Variants in GPBP1 observed in about 807,000 individuals in gnomAD.
GPBP1 encodes the protein GC-rich promoter binding protein 1, also known as vasculin.
Under a neutral mutation model 56.5 loss-of-function variants are expected in GPBP1, and 13 were observed. The observed-to-expected ratio is 0.23, with a 90% CI of 0.15 to 0.37. The LOEUF is 0.37. Ranked by LOEUF, GPBP1 falls within the 10% of genes least tolerant of loss-of-function variation. The pLI, the probability that GPBP1 is intolerant of heterozygous loss-of-function variation, is 1.00. For missense variants in GPBP1, 477 were observed against 572.3 expected, an observed-to-expected ratio of 0.83 and a Z score of 1.70; for synonymous variants, 204 against 188.9, an observed-to-expected ratio of 1.08 and a Z score of -0.66.
intron 10 of GPBP1, among the ~76,000 whole-genome samples, chr5:57,253,200 A>G (rs993220399): frequency 7.2e-5 from 11 of 152,228 alleles, no homozygotes; most frequent in Non-Finnish European, 4.4e-5. Flanking sequence ...TCCTTAAATA[A>G]CCACATGGTT....
At chr5:57,212,522 C>T (rs1465402739) in intron 2 of GPBP1, among the ~76,000 whole-genome samples, 4 of 152,120 alleles carry the variant, frequency 2.6e-5, no homozygotes, top group Non-Finnish European at 2.9e-5. Flanking sequence ...TATTGGAATT[C>T]CTCTTAAGGT....
chr5:57,218,630 G>A (rs1346851569), intron 3 of GPBP1, among the ~76,000 whole-genome samples: 2 of 152,054 alleles, frequency 1.3e-5, no homozygotes, highest in East Asian at 1.9e-4. Context: ...ACTGTTGGGG[G>A]CCCCAGTCTA....
intron 5 of GPBP1, among the ~76,000 whole-genome samples, chr5:57,233,567 G>A (rs1041143560): frequency 4.6e-5 from 7 of 152,066 alleles, no homozygotes; most frequent in African/African-American, 1.7e-4. Context: ...TATGTGTATT[G>A]TATACTGTAT....
intron 2 of GPBP1, among the ~76,000 whole-genome samples, chr5:57,209,675 G>A (rs966303718): frequency 3.3e-5 from 5 of 152,032 alleles, no homozygotes; most frequent in Admixed American, 6.6e-5. Context: ...CTTGTTTCTA[G>A]TTTGTTGAGT....
intron 2 of GPBP1, among the ~76,000 whole-genome samples, chr5:57,193,079 C>T (rs111450441): frequency 3.9e-5 from 6 of 151,978 alleles, no homozygotes; most frequent in Non-Finnish European, 7.4e-5. Flanking sequence ...CACTTTGGGA[C>T]GCCAAGGCGA....
rs550945454 is a variant in GPBP1, at chr5:57,202,090, T to C, written c.-57-11984T>C. ...CTCACTGTAGCCTTGACTTCCCAGG[T>C]TCAGGTGATCCTCCCACCTCAGCCT... On this transcript the variant is annotated intron_variant, in intron 2 of 11. Transcript: ENST00000506184. Among the ~76,000 whole-genome samples the C allele has an allele frequency of 2.0e-5, 3 of 152,234 alleles. No homozygotes were observed. In the South Asian group the frequency reaches 6.2e-4, roughly 32 times the overall value.
chr5:57,220,562 C>T (rs929149083), intron 3 of GPBP1, among the ~76,000 whole-genome samples: 2 of 150,860 alleles, frequency 1.3e-5, no homozygotes, highest in South Asian at 2.1e-4. Flanking sequence ...CAGGTTCAAA[C>T]GATTCTCCTG....
intron 2 of GPBP1, among the ~76,000 whole-genome samples, chr5:57,200,079 CA>C (rs1403595729): frequency 2.7e-5 from 3 of 111,222 alleles, no homozygotes; most frequent in African/African-American, 1.1e-4. Flanking sequence ...GTCTGTGGCC[CA>C]TTCTTAAAGT....
chr5:57,247,301 T>A, intron 8 of GPBP1, 86 bp downstream of exon 8: 1 of 1,072,548 alleles, frequency 9.3e-7, no homozygotes, highest in Non-Finnish European at 1.3e-6. Flanking sequence ...ATTCATTAAA[T>A]GAATACATTA....
chr5:57,196,017 T>G (rs1264330479), intron 2 of GPBP1, among the ~76,000 whole-genome samples: 1 of 148,588 alleles, frequency 6.7e-6, no homozygotes, highest in Non-Finnish European at 1.5e-5. Context: ...TTTTTTTTTT[T>G]TGTTTGCAAG....
At chr5:57,219,393 A>AAAAAAAAAC (rs1755836223) in intron 3 of GPBP1, among the ~76,000 whole-genome samples, 1 of 63,290 alleles carries the variant, frequency 1.6e-5, no homozygotes, top group Non-Finnish European at 2.7e-5. Flanking sequence ...AAAAAAAAAA[A>AAAAAAAAAC]AAAAAAAAAA....
rs148607786 is a variant in GPBP1, at chr5:57,242,781, A to G, written c.479-3519A>G. On this transcript the variant is annotated intron_variant, in intron 6 of 11. Coordinates refer to ENST00000506184, the MANE Select transcript of GPBP1 (RefSeq NM_022913.4). ...TTATTATTATTTTAAATGGAGTCTC[A>G]CACTGTCGCCCTGGCTGGAGTGCAG... Among the ~76,000 whole-genome samples, 483 of 152,114 alleles carry G rather than the reference A, an allele frequency of 3.2e-3. 4 individuals carry two copies. The highest frequency in any genetic ancestry group is 0.011 in the African/African-American group (459 of 41,484).
At chr5:57,205,504 T>G (rs1171928676) in intron 2 of GPBP1, among the ~76,000 whole-genome samples, 1 of 152,164 alleles carries the variant, frequency 6.6e-6, no homozygotes, top group Non-Finnish European at 1.5e-5. Context: ...CTTCTACAGT[T>G]GTTGAACCCT....
At chr5:57,185,196 G>GA (rs1754229660) in intron 2 of GPBP1, among the ~76,000 whole-genome samples, 1 of 151,632 alleles carries the variant, frequency 6.6e-6, no homozygotes, top group South Asian at 2.1e-4. Flanking sequence ...CCAGCAATGG[G>GA]TGTTAGTTGT....
intron 3 of GPBP1, 148 bp from the exon 4 acceptor site, chr5:57,230,698 A>T: frequency 1.4e-6 from 1 of 705,782 alleles, no homozygotes; most frequent in Non-Finnish European, 2.5e-6. Flanking sequence ...TTATACAGTT[A>T]CCCAGTTATC....
intron 6 of GPBP1, among the ~76,000 whole-genome samples, chr5:57,240,019 T>C (rs968743883): frequency 6.6e-6 from 1 of 152,128 alleles, no homozygotes; most frequent in Non-Finnish European, 1.5e-5. Context: ...CCAGCATTTT[T>C]GGAGCACAGG....
At chr5:57,248,126 TTAAC>T (rs1580072363) in intron 8 of GPBP1, among the ~76,000 whole-genome samples, 1 of 152,152 alleles carries the variant, frequency 6.6e-6, no homozygotes, top group Non-Finnish European at 1.5e-5. Flanking sequence ...AGGATTGAAA[TTAAC>T]TAATGAGGAT....
intron 3 of GPBP1, among the ~76,000 whole-genome samples, chr5:57,218,442 A>G (rs1455454681): frequency 5.3e-5 from 8 of 152,178 alleles, no homozygotes; most frequent in Non-Finnish European, 2.9e-5. Context: ...GAATAGATTG[A>G]TAATGGTGAG....
At chr5:57,250,922 CTT>C (rs34533194) in intron 9 of GPBP1, 30 bp from the exon 10 acceptor site, 6,595 of 1,157,186 alleles carry the variant, frequency 5.7e-3, no homozygotes, top group South Asian at 9.0e-3. Context: ...AGAACTCATT[CTT>C]TTTTTTTTTT....
Sources: allele counts gnomAD v4.1 joint callset (sites outside exome capture counted in the v4.1 genomes callset), GRCh38; gene constraint gnomAD v4.1.1; transcripts MANE v1.5; gene names NCBI Gene and HGNC (gene_info 2026-07-23, HGNC 2026-07-21).